Variants in FTO observed in about 807,000 individuals in gnomAD.
The protein encoded by FTO is alpha-ketoglutarate-dependent dioxygenase FTO.
FTO carries 47 observed loss-of-function variants against 63.9 expected under a neutral mutation model. The ratio of observed to expected loss-of-function variants is 0.74; its 90% CI spans 0.58 to 0.94. The LOEUF (loss-of-function observed/expected upper bound fraction) is 0.94. FTO is among the 40% of genes least tolerant of loss of function. The pLI is 0.00. For synonymous variants in FTO, 207 were observed against 224.4 expected, an observed-to-expected ratio of 0.92 and a Z score of 0.69; for missense variants, 562 against 618.1, an observed-to-expected ratio of 0.91 and a Z score of 0.96.
At chr16:53,783,610 A>ATC (rs1271788380) in intron 1 of FTO, among the ~76,000 whole-genome samples, 23 of 149,654 alleles carry the variant, frequency 1.5e-4, no homozygotes, top group African/African-American at 5.6e-4. Context: ...TCCATAAAAA[A>ATC]AAAAAAAAAA....
intron 4 of FTO, among the ~76,000 whole-genome samples, chr16:53,846,907 G>A (rs2079638703): frequency 6.6e-6 from 1 of 151,222 alleles, no homozygotes; most frequent in African/African-American, 2.4e-5. Context: ...AAAGCAATAT[G>A]TGCTTATTTG....
intron 8 of FTO, among the ~76,000 whole-genome samples, chr16:53,972,486 G>A (rs2083347183): frequency 6.6e-6 from 1 of 152,184 alleles, no homozygotes; most frequent in African/African-American, 2.4e-5. Flanking sequence ...TAGATATTAA[G>A]TTGCCTTGAG....
intron 8 of FTO, among the ~76,000 whole-genome samples, chr16:54,018,047 T>TATC (rs10635158): frequency 0.026 from 4,021 of 151,930 alleles, 166 homozygotes; most frequent in African/African-American, 0.09. Context: ...TGTTGACTTT[T>TATC]ATCATCATCA....
intron 7 of FTO, among the ~76,000 whole-genome samples, chr16:53,931,205 G>A (rs1450859784): frequency 1.3e-5 from 2 of 151,554 alleles, no homozygotes; most frequent in African/African-American, 4.8e-5. Context: ...GATCATGTTA[G>A]CTAGCTAGAT....
At chr16:54,059,650 C>T (rs1270694289) in intron 8 of FTO, among the ~76,000 whole-genome samples, 1 of 152,166 alleles carries the variant, frequency 6.6e-6, no homozygotes, top group Non-Finnish European at 1.5e-5. Context: ...TACTGTGGCT[C>T]ATGCTGGAGT....
intron 8 of FTO, among the ~76,000 whole-genome samples, chr16:54,003,851 G>A (rs1187029736): frequency 6.6e-6 from 1 of 152,118 alleles, no homozygotes; most frequent in Non-Finnish European, 1.5e-5. Flanking sequence ...CATCTCTTTA[G>A]TGGTTGCCAT....
intron 8 of FTO, among the ~76,000 whole-genome samples, chr16:53,979,960 A>G (rs571183812): frequency 6.6e-5 from 10 of 152,158 alleles, no homozygotes; most frequent in Non-Finnish European, 1.2e-4. Context: ...GGCTTATTCA[A>G]TCTGGTGTCT....
chr16:53,840,426 A>T, intron 3 of FTO, among the ~76,000 whole-genome samples: 1 of 152,208 alleles, frequency 6.6e-6, no homozygotes, highest in East Asian at 1.9e-4. Context: ...TAATTATTTT[A>T]TGCAGCCTCA....
chr16:53,930,185 T>C (rs559499677), intron 7 of FTO, among the ~76,000 whole-genome samples: 1 of 151,530 alleles, frequency 6.6e-6, no homozygotes, highest in Admixed American at 6.6e-5. Flanking sequence ...GAAATAAATA[T>C]ATAGTTTTGT....
intron 4 of FTO, among the ~76,000 whole-genome samples, chr16:53,844,694 A>T (rs1337451355): frequency 6.6e-6 from 1 of 152,142 alleles, no homozygotes; most frequent in Non-Finnish European, 1.5e-5. Context: ...TCCTGACCTC[A>T]GGTGATCCAC....
At chr16:53,729,570 G>T (rs896220126) in intron 1 of FTO, among the ~76,000 whole-genome samples, 1 of 151,896 alleles carries the variant, frequency 6.6e-6, no homozygotes, top group African/African-American at 2.4e-5. Flanking sequence ...ATTTGCCACT[G>T]GCTGCATGTT....
chr16:53,914,154 C>T (rs2081796437), intron 7 of FTO, among the ~76,000 whole-genome samples: 1 of 152,210 alleles, frequency 6.6e-6, no homozygotes, highest in South Asian at 2.1e-4. Flanking sequence ...GATCAAAAGA[C>T]AGGAAGACAG....
intron 8 of FTO, among the ~76,000 whole-genome samples, chr16:53,959,246 C>T (rs932273560): frequency 6.6e-6 from 1 of 152,124 alleles, no homozygotes; most frequent in South Asian, 2.1e-4. Context: ...TTCCAGAGCC[C>T]ATGCTCTAGG....
At position 53,965,148 on chromosome 16, in the gene FTO, A is replaced by C. The variant is rs184362131; in HGVS notation, c.1364+31039A>C. Among the ~76,000 whole-genome samples, 931 of 152,146 alleles carry C rather than the reference A, an allele frequency of 6.1e-3. 11 individuals are homozygous for C. The highest frequency in any genetic ancestry group is 0.021 in the African/African-American group (889 of 41,510). ...GAGTGCAGTGGCGTGATCTCGGCTC[A>C]CTGCAACCTCCGCCTCCTGGGTTCA... On this transcript the variant is annotated intron_variant, in intron 8 of 8. Coordinates refer to ENST00000471389, the MANE Select transcript of FTO (RefSeq NM_001080432.3).
Position 53,968,043 on chromosome 16 carries a change from G to A in FTO, c.1364+33934G>A, listed in dbSNP as rs187700556. Among the ~76,000 whole-genome samples the A allele has an allele frequency of 1.5e-4, 23 of 152,110 alleles. No individual in the cohort carries two copies. The East Asian group carries it at 4.1e-3, about 27-fold the overall frequency. On this transcript the variant is annotated intron_variant, in intron 8 of 8. Coordinates refer to ENST00000471389, the MANE Select transcript of FTO (RefSeq NM_001080432.3). The stretch of plus-strand genomic sequence containing the variant: ...TATGTGTGTGTTCACATATTATGCA[G>A]CCTTCATATGTATATAAAAGAAATT...
intron 8 of FTO, among the ~76,000 whole-genome samples, chr16:54,094,853 C>G (rs1189498619): frequency 2.6e-5 from 4 of 152,210 alleles, no homozygotes. Flanking sequence ...CTAAGGGAAT[C>G]TAGAGGCTTT....
chr16:54,099,442 G>A (rs1406557895), intron 8 of FTO, among the ~76,000 whole-genome samples: 2 of 152,028 alleles, frequency 1.3e-5, no homozygotes, highest in African/African-American at 4.8e-5. Flanking sequence ...AACCCAACCC[G>A]GCCTCTCTTA....
At chr16:53,903,913 T>C (rs1263978231) in intron 7 of FTO, among the ~76,000 whole-genome samples, 1 of 152,032 alleles carries the variant, frequency 6.6e-6, no homozygotes, top group Non-Finnish European at 1.5e-5. Context: ...TGTGTGTAAA[T>C]GTGTGTATTT....
chr16:53,940,801 C>T (rs1473914019), intron 8 of FTO, among the ~76,000 whole-genome samples: 3 of 152,116 alleles, frequency 2.0e-5, no homozygotes, highest in East Asian at 3.9e-4. Flanking sequence ...AAAATATCTT[C>T]CTCATATTGG....
Sources: allele counts gnomAD v4.1 joint callset (sites outside exome capture counted in the v4.1 genomes callset), GRCh38; gene constraint gnomAD v4.1.1; transcripts MANE v1.5; gene names NCBI Gene and HGNC (gene_info 2026-07-23, HGNC 2026-07-21).